The following MUC22 variants were observed in gnomAD, a reference collection of about 807,000 sequenced individuals.
The protein encoded by MUC22 is mucin-22.
MUC22 carries 24 observed loss-of-function variants against 40.3 expected under a neutral mutation model. The observed-to-expected ratio is 0.60, with a 90% confidence interval of 0.43 to 0.84. The LOEUF is 0.84. MUC22 is among the 40% of genes least tolerant of loss of function. MUC22 has a pLI of 0.00. For synonymous variants in MUC22, 765 were observed against 844.5 expected, an observed-to-expected ratio of 0.91 and a Z score of 1.63; for missense variants, 1,926 against 2,130.7, an observed-to-expected ratio of 0.90 and a Z score of 1.89.
At chr6:31,019,145 C>T (rs1386137050) in intron 1 of MUC22, among the ~76,000 whole-genome samples, 2 of 152,180 alleles carry the variant, frequency 1.3e-5, no homozygotes, top group African/African-American at 2.4e-5. Context: ...TTCCAACTTC[C>T]ACTTCATCCC....
At chr6:31,027,368 C>G in exon 2 of MUC22, 1 of 1,532,876 alleles carries the variant, frequency 6.5e-7, no homozygotes, top group Admixed American at 2.0e-5. Flanking sequence ...TCTGAGGCCA[C>G]TACAGTCTCC....
Position 31,032,642 on chromosome 6 carries a change from A to G in MUC22, c.5055+61A>G. ...CAAGAAGGCAGGGGGGAATCATGTC[A>G]GCAGTGCTTTGGAAAAATCCAGAAT... is the stretch of plus-strand genomic sequence containing the variant. On this transcript the variant is annotated intron_variant, in intron 3 of 3. Coordinates refer to ENST00000561890, the Ensembl canonical transcript of MUC22. The surrounding 1 kb of genome is among the most constrained non-coding windows in gnomAD (Gnocchi z 4.1). 1 of 1,470,994 alleles carries G rather than the reference A, an allele frequency of 6.8e-7. No homozygotes were observed. The highest frequency in any genetic ancestry group is 9.0e-7 in the Non-Finnish European group (1 of 1,112,430). The allele number at this position is 1,470,994 out of a possible 1,614,324, so 91.1% of individuals were successfully genotyped here.
chr6:31,012,427 C>T (rs1383531036), intron 1 of MUC22, among the ~76,000 whole-genome samples: 2 of 152,234 alleles, frequency 1.3e-5, no homozygotes, highest in Non-Finnish European at 2.9e-5. Flanking sequence ...TAATCCTGAA[C>T]TCCAGTCCTA....
chr6:31,035,105 C>T (rs530041648), exon 4 of MUC22: 2 of 745,414 alleles, frequency 2.7e-6, no homozygotes, highest in East Asian at 5.5e-5. Flanking sequence ...AGGAAGCTTC[C>T]CAGGATGTGA....
At chr6:31,019,575 C>T (rs1036856732) in intron 1 of MUC22, among the ~76,000 whole-genome samples, 18 of 152,122 alleles carry the variant, frequency 1.2e-4, no homozygotes, top group Non-Finnish European at 2.4e-4. Flanking sequence ...TGAACTGGGC[C>T]GGGTGCGGTG....
At chr6:31,033,400 T>C (rs28732080) in intron 3 of MUC22, among the ~76,000 whole-genome samples, 6,662 of 152,258 alleles carry the variant, frequency 0.044, 175 homozygotes, top group South Asian at 0.082. Flanking sequence ...GGCTTCCGAT[T>C]GTCTCATGTA....
In MUC22 at chr6:31,025,303, A is replaced by C. The variant is rs563865128; in HGVS notation, c.71-199A>C. ...ATTTTATGTTGTAGCTCTCTTCTTT[A>C]CTAAATTATAAGCCCATATCCCTTT... On this transcript the variant is annotated intron_variant, in intron 1 of 3. Coordinates refer to ENST00000561890, the Ensembl canonical transcript of MUC22. Among the ~76,000 whole-genome samples, 14 of 152,280 alleles carry C rather than the reference A, an allele frequency of 9.2e-5. No homozygotes were observed. The South Asian group carries it at 1.5e-3, about 16-fold the overall frequency.
exon 1 of MUC22, chr6:31,010,766 T>A: frequency 2.8e-6 from 2 of 702,578 alleles, no homozygotes; most frequent in Non-Finnish European, 5.2e-6. Flanking sequence ...TCTTTGGACT[T>A]CTGGGACCCA....
At chr6:31,029,145 C>T in exon 2 of MUC22, 1 of 1,534,732 alleles carries the variant, frequency 6.5e-7, no homozygotes, top group East Asian at 2.5e-5. Context: ...CCACCACAGT[C>T]TCTACTGCAG....
chr6:31,034,358 A>G (rs1766290830), intron 3 of MUC22, among the ~76,000 whole-genome samples: 1 of 152,260 alleles, frequency 6.6e-6, no homozygotes, highest in Admixed American at 6.5e-5. Flanking sequence ...ACATAGGGGT[A>G]TGGATTTACC....
chr6:31,014,477 CT>C (rs890387305), intron 1 of MUC22, among the ~76,000 whole-genome samples: 2 of 152,174 alleles, frequency 1.3e-5, no homozygotes, highest in African/African-American at 4.8e-5. Context: ...TGGAAATTCC[CT>C]TTTTTCCCTT....
chr6:31,033,234 T>C (rs10947122), intron 3 of MUC22, among the ~76,000 whole-genome samples: 16,529 of 109,232 alleles, frequency 0.15, 1,093 homozygotes, highest in Middle Eastern at 0.27. Flanking sequence ...AGAGAAAGAA[T>C]GAGGAAGAAA....
intron 1 of MUC22, among the ~76,000 whole-genome samples, chr6:31,013,037 C>G (rs1763956344): frequency 6.6e-6 from 1 of 151,868 alleles, no homozygotes; most frequent in African/African-American, 2.4e-5. Context: ...CCCAGAGGTC[C>G]CTGGACCAAA....
chr6:31,009,476 C>T (rs1048886742), upstream of MUC22, among the ~76,000 whole-genome samples: 1 of 152,210 alleles, frequency 6.6e-6, no homozygotes, highest in African/African-American at 2.4e-5. Context: ...CCATCAGTGC[C>T]ACCCTAGAGG....
At chr6:31,009,685 T>A (rs1763738140), upstream of MUC22, among the ~76,000 whole-genome samples, 1 of 152,102 alleles carries the variant, frequency 6.6e-6, no homozygotes, top group African/African-American at 2.4e-5. Context: ...GGAAAGAGAG[T>A]CTGGAAACTG....
intron 1 of MUC22, among the ~76,000 whole-genome samples, chr6:31,022,017 T>C (rs1405914953): frequency 3.3e-5 from 5 of 152,004 alleles, no homozygotes; most frequent in African/African-American, 1.2e-4. Context: ...GAAGGAACAA[T>C]TCCACACGCA....
In MUC22 at chr6:31,014,044, T is replaced by C. The variant is rs1764029193; in HGVS notation, c.70+3268T>C. Among the ~76,000 whole-genome samples, 3 of 152,308 alleles carry C rather than the reference T, an allele frequency of 2.0e-5. No individual in the cohort carries two copies. The East Asian group carries it at 5.8e-4, about 29-fold the overall frequency. The stretch of plus-strand genomic sequence containing the variant: ...GTTAAACTAGCATTTAGTGTTTACA[T>C]TATGATAACTATAAATTTTACCTCT... On this transcript the variant is annotated intron_variant, in intron 1 of 3. Coordinates refer to ENST00000561890, the Ensembl canonical transcript of MUC22.
In MUC22 at chr6:31,026,332, TC is replaced by T. The variant is rs1409930253; in HGVS notation, c.906del (p.Thr303GlnfsTer7). On this transcript the variant is annotated frameshift_variant, in exon 2 of 4. Transcript: ENST00000561890. LOFTEE classifies it high-confidence loss of function. ...AGCAGGTTCTGAGACCACCACCCCCTCCCCCACAGGCTCTCAGACCACCATA... is the reference window on the plus strand; with the variant it reads ...AGCAGGTTCTGAGACCACCACCCCCTCCCCACAGGCTCTCAGACCACCATA... 6.6e-7 allele frequency: 1 copy of T among 1,505,606 alleles called. No homozygotes were observed. The highest frequency in any genetic ancestry group is 1.2e-5 in the South Asian group (1 of 82,150). The allele number at this position is 1,505,606 out of a possible 1,614,324, so 93.3% of individuals were successfully genotyped here. A position where few individuals can be genotyped will look rare whatever the true frequency, so the allele number is the denominator to read the frequency against.
At chr6:31,009,874 G>C (rs1434906859), upstream of MUC22, among the ~76,000 whole-genome samples, 1 of 152,108 alleles carries the variant, frequency 6.6e-6, no homozygotes, top group African/African-American at 2.4e-5. Context: ...GGGTAGTTCC[G>C]TGCCCCATCC....
Sources: gnomAD v4.1 joint callset for allele counts (sites outside exome capture counted in the v4.1 genomes callset) on GRCh38, gnomAD v4.1.1 for gene constraint, Gnocchi (gnomAD v3.1) non-coding constraint, MANE v1.5 for transcripts, NCBI Gene and HGNC (gene_info 2026-07-23, HGNC 2026-07-21) for gene names.